DLG2: variants seen among roughly 807,000 people sequenced by gnomAD.
The protein encoded by DLG2 is discs large MAGUK scaffold protein 2.
A neutral mutation model predicts 132.5 loss-of-function variants in DLG2; 45 were observed. The ratio of observed to expected loss-of-function variants is 0.34; its 90% CI spans 0.27 to 0.44. The LOEUF (loss-of-function observed/expected upper bound fraction) is 0.44, where lower values mean the gene tolerates loss of function less well. Among genes scored for constraint, DLG2 ranks in the 20% least tolerant of loss-of-function variants. The pLI is 1.00. For synonymous variants in DLG2, 424 were observed against 419.6 expected, an observed-to-expected ratio of 1.01 and a Z score of -0.13; for missense variants, 1,045 against 1,196.9, an observed-to-expected ratio of 0.87 and a Z score of 1.87.
chr11:85,380,093 A>T lies in DLG2; in HGVS notation c.41-94728T>A, dbSNP rs562848110. Among the ~76,000 whole-genome samples the T allele has an allele frequency of 9.2e-5, 14 of 152,306 alleles. 1 individual carries two copies. The South Asian group carries it at 2.9e-3, about 32-fold the overall frequency. On this transcript the variant is annotated intron_variant, in intron 3 of 27. Transcript: ENST00000376104. ...TTACACACATAAGAACTCCTCACCT[A>T]AATATCACCCACAGCTAACATTCAT...
At chr11:84,120,188 C>T (rs1226423805) in intron 9 of DLG2, among the ~76,000 whole-genome samples, 1 of 152,030 alleles carries the variant, frequency 6.6e-6, no homozygotes, top group Non-Finnish European at 1.5e-5. Flanking sequence ...CATTCCATCC[C>T]CCATTTATCA....
intron 21 of DLG2, among the ~76,000 whole-genome samples, chr11:83,515,446 C>T (rs538725009): frequency 1.3e-5 from 2 of 152,096 alleles, no homozygotes; most frequent in Non-Finnish European, 2.9e-5. Context: ...AGTGGTCTAT[C>T]GATTTTGTTG....
At chr11:83,742,412 G>A (rs1181079754) in intron 18 of DLG2, among the ~76,000 whole-genome samples, 1 of 151,852 alleles carries the variant, frequency 6.6e-6, no homozygotes, top group African/African-American at 2.4e-5. Flanking sequence ...AAAAATCTAT[G>A]GAAAAATTAG....
chr11:83,914,618 A>C (rs778441780), intron 15 of DLG2, among the ~76,000 whole-genome samples: 1 of 152,152 alleles, frequency 6.6e-6, no homozygotes, highest in Non-Finnish European at 1.5e-5. Context: ...TTTTTAAAAA[A>C]TTCTCATTTT....
At chr11:85,480,625 C>T (rs1413771053) in intron 3 of DLG2, among the ~76,000 whole-genome samples, 1 of 152,016 alleles carries the variant, frequency 6.6e-6, no homozygotes, top group Non-Finnish European at 1.5e-5. Context: ...TAAATAAATT[C>T]CCAAATGTTA....
chr11:83,523,143 G>A (rs1357282524), intron 21 of DLG2, among the ~76,000 whole-genome samples: 1 of 152,164 alleles, frequency 6.6e-6, no homozygotes, highest in African/African-American at 2.4e-5. Flanking sequence ...CGGTATGACT[G>A]TAGGCCTATT....
chr11:85,565,475 T>G (rs1301069677), intron 3 of DLG2, among the ~76,000 whole-genome samples: 1 of 152,058 alleles, frequency 6.6e-6, no homozygotes, highest in Non-Finnish European at 1.5e-5. Flanking sequence ...TCAGAACATT[T>G]TCACCAACCC....
intron 6 of DLG2, among the ~76,000 whole-genome samples, chr11:84,643,200 C>A (rs768740630): frequency 1.8e-4 from 28 of 152,056 alleles, no homozygotes; most frequent in Admixed American, 7.2e-4. Flanking sequence ...GGGCAGGATG[C>A]GAGGTGATTA....
chr11:84,068,832 T>A (rs2096715600), intron 10 of DLG2, among the ~76,000 whole-genome samples: 1 of 152,226 alleles, frequency 6.6e-6, no homozygotes, highest in Non-Finnish European at 1.5e-5. Context: ...AAAGTAGATA[T>A]TGTCGCCTTC....
intron 18 of DLG2, among the ~76,000 whole-genome samples, chr11:83,640,525 C>T (rs752350164): frequency 2.6e-5 from 4 of 152,110 alleles, no homozygotes; most frequent in Admixed American, 6.6e-5. Context: ...ATTTCTTTGG[C>T]GGAAACATCC....
rs147604780 is a variant in DLG2, at chr11:83,457,206, G to C, written c.*2612C>G. 1 of 152,576 alleles carries C rather than the reference G, an allele frequency of 6.6e-6. No individual in the cohort carries two copies. The highest frequency in any genetic ancestry group is 1.5e-5 in the Non-Finnish European group (1 of 68,026). 9.5% of individuals were successfully genotyped at this position (152,576 alleles called of 1,614,324 possible). ...TAGCACCAGTCTGGCCCCAGGCTCC[G>C]AGTGCATTTGCACCAGATGTAATCT... On this transcript the variant is annotated 3_prime_UTR_variant, in exon 28 of 28. Transcript: ENST00000376104.
intron 6 of DLG2, among the ~76,000 whole-genome samples, chr11:84,976,492 A>T (rs1207868421): frequency 6.6e-6 from 1 of 152,154 alleles, no homozygotes; most frequent in African/African-American, 2.4e-5. Flanking sequence ...TGTATATATA[A>T]TTAGATACAT....
intron 18 of DLG2, among the ~76,000 whole-genome samples, chr11:83,650,956 G>T (rs1057464677): frequency 2.6e-5 from 4 of 152,148 alleles, no homozygotes; most frequent in Non-Finnish European, 5.9e-5. Context: ...TTGATAGTAA[G>T]TCTTTTATGA....
intron 3 of DLG2, among the ~76,000 whole-genome samples, chr11:85,452,007 G>A (rs896539476): frequency 1.3e-5 from 2 of 151,886 alleles, no homozygotes; most frequent in Non-Finnish European, 2.9e-5. Flanking sequence ...ATTTTCCAAT[G>A]TATTAAATGA....
intron 3 of DLG2, among the ~76,000 whole-genome samples, chr11:85,509,289 T>C (rs2094004553): frequency 6.6e-6 from 1 of 152,038 alleles, no homozygotes; most frequent in African/African-American, 2.4e-5. Flanking sequence ...GCATGTAAAA[T>C]AAACCAAAAG....
At chr11:84,982,943 T>C (rs773155880) in intron 6 of DLG2, among the ~76,000 whole-genome samples, 1 of 152,170 alleles carries the variant, frequency 6.6e-6, no homozygotes, top group Admixed American at 6.5e-5. Context: ...TGAAGAAATC[T>C]AAGGAAAACC....
In DLG2 at chr11:85,583,130, G is replaced by GTGTGTATA. The variant is rs1555190569; in HGVS notation, c.40+15526_40+15527insTATACACA. ...TGTGTGTGTGTGTGTGTGTGTGTGT[G>GTGTGTATA]TATATATATATATATATATATATAT... On this transcript the variant is annotated intron_variant, in intron 3 of 27. Coordinates refer to ENST00000376104, the MANE Select transcript of DLG2 (RefSeq NM_001142699.3). 6.5e-3 allele frequency among the ~76,000 whole-genome samples: 88 copies of GTGTGTATA among 13,566 alleles called. 1 individual carries two copies. Among genetic ancestry groups the GTGTGTATA allele is most frequent in the Non-Finnish European group, 8.9e-3 (56 of 6,320 alleles). 8.9% of individuals were successfully genotyped at this position (13,566 alleles called of 152,430 possible).
chr11:85,291,050 T>C (rs945134620), intron 3 of DLG2, among the ~76,000 whole-genome samples: 8 of 152,172 alleles, frequency 5.3e-5, no homozygotes, highest in African/African-American at 1.7e-4. Context: ...CTTTGAGATA[T>C]ACCTTCAAGC....
chr11:84,816,431 T>C (rs2077092011), intron 6 of DLG2, among the ~76,000 whole-genome samples: 1 of 151,830 alleles, frequency 6.6e-6, no homozygotes, highest in Non-Finnish European at 1.5e-5. Flanking sequence ...TTAAGGCCGT[T>C]TGAAATCTAA....
Sources: allele counts gnomAD v4.1 joint callset (sites outside exome capture counted in the v4.1 genomes callset), GRCh38; gene constraint gnomAD v4.1.1; transcripts MANE v1.5; gene names NCBI Gene and HGNC (gene_info 2026-07-23, HGNC 2026-07-21).